Variants in CCDC200 observed in about 807,000 individuals in gnomAD.
CCDC200 encodes the protein coiled-coil domain containing 200, also known as coiled-coil domain-containing protein 200.
At chr17:43,227,507 CA>C (rs1401978190) in intron 1 of CCDC200, among the ~76,000 whole-genome samples, 14 of 151,770 alleles carry the variant, frequency 9.2e-5, no homozygotes, top group African/African-American at 2.7e-4. Flanking sequence ...TTTTTTGAGA[CA>C]GAGTCTCACT....
intron 3 of CCDC200, among the ~76,000 whole-genome samples, chr17:43,223,236 A>T (rs1172943495): frequency 4.8e-4 from 33 of 68,172 alleles, no homozygotes; most frequent in Middle Eastern, 0.011. Context: ...ATTTTTTTCA[A>T]TTTTTTTCAA....
intron 1 of CCDC200, among the ~76,000 whole-genome samples, chr17:43,225,244 G>A (rs536905354): frequency 6.6e-6 from 1 of 151,892 alleles, no homozygotes. Flanking sequence ...ATGTTGCCTA[G>A]GTTGGTTTGG....
chr17:43,225,428 G>A (rs2057560117), intron 1 of CCDC200, among the ~76,000 whole-genome samples: 1 of 151,110 alleles, frequency 6.6e-6, no homozygotes, highest in African/African-American at 2.4e-5. Context: ...ACTTTGGGAA[G>A]CCGAGGCGGG....
In CCDC200 at chr17:43,224,441, C is replaced by A. The variant is rs957836307; in HGVS notation, c.214G>T (p.Glu72Ter). The part of the protein sequence containing the change: ...PPVAKLWTSQ[E>*]QPQPSQQQPS... ...TGCTGCTGTGATGGCTGTGGTTGCT[C>A]CTGTGATGTCCACAATTTCGCCACT... is the stretch of plus-strand genomic sequence containing the variant. Residue 72 changes from glutamate to a stop codon, truncating the protein, a stop_gained, in exon 2 of 4, where the codon GAG becomes TAG. Coordinates refer to ENST00000636331, the MANE Select transcript of CCDC200 (RefSeq NM_001363254.2). LOFTEE classifies it high-confidence loss of function. 2 of 154,428 alleles carry A rather than the reference C, an allele frequency of 1.3e-5. No homozygotes were observed. Among genetic ancestry groups the A allele is most frequent in the African/African-American group, 4.8e-5 (2 of 41,446 alleles). 9.6% of individuals were successfully genotyped at this position (154,428 alleles called of 1,614,324 possible). A position where few individuals can be genotyped will look rare whatever the true frequency, so the allele number is the denominator to read the frequency against.
At chr17:43,230,911 G>A (rs1402605889), upstream of CCDC200, among the ~76,000 whole-genome samples, 2 of 89,850 alleles carry the variant, frequency 2.2e-5, no homozygotes, top group African/African-American at 5.8e-5. Flanking sequence ...AACCCAGGAG[G>A]TGGAGCTTGC....
chr17:43,231,075 T>C (rs1451583145), upstream of CCDC200, among the ~76,000 whole-genome samples: 16 of 91,656 alleles, frequency 1.7e-4, 6 homozygotes, highest in Admixed American at 2.1e-3. Context: ...AGGCTGGGAG[T>C]TGGAGACCAG....
rs1179732030 is a variant in CCDC200 at position 43,224,306 on chromosome 17, TTGGCTGAGGTGGTGGCTGTGGTTGTGG to T, written c.322_348del (p.Pro108_Pro116del). On this transcript the variant is annotated inframe_deletion, in exon 2 of 4. Coordinates refer to ENST00000636331, the MANE Select transcript of CCDC200 (RefSeq NM_001363254.2). ...CAACGGGCTTGAGCACTTGGTTGTG[TTGGCTGAGGTGGTGGCTGTGGTTGTGG>T]TGGCTGTGGCCCTGGCCACACCTGT... 1 of 155,384 alleles carries T rather than the reference TTGGCTGAGGTGGTGGCTGTGGTTGTGG, an allele frequency of 6.4e-6. No individual in the cohort carries two copies. Among genetic ancestry groups the T allele is most frequent in the Admixed American group, 6.5e-5 (1 of 15,288 alleles). The allele number at this position is 155,384 out of a possible 1,614,324, so 9.6% of individuals were successfully genotyped here.
chr17:43,227,215 G>A (rs1262695140), intron 1 of CCDC200, among the ~76,000 whole-genome samples: 2 of 151,612 alleles, frequency 1.3e-5, no homozygotes, highest in African/African-American at 4.8e-5. Flanking sequence ...CTGACCACAG[G>A]TGATCCACCT....
At chr17:43,222,773 G>GT (rs542275017) in intron 3 of CCDC200, among the ~76,000 whole-genome samples, 7,098 of 127,268 alleles carry the variant, frequency 0.056, 237 homozygotes, top group South Asian at 0.086. Context: ...TTTTTTTTTC[G>GT]TTTTTTTTTT....
At chr17:43,223,087 T>G (rs935242685) in intron 3 of CCDC200, among the ~76,000 whole-genome samples, 1 of 151,712 alleles carries the variant, frequency 6.6e-6, no homozygotes, top group African/African-American at 2.4e-5. Context: ...TTTTTAAAAT[T>G]TTTTGTTGTT....
intron 3 of CCDC200, among the ~76,000 whole-genome samples, chr17:43,222,737 T>TG (rs1026457009): frequency 2.4e-4 from 36 of 151,124 alleles, no homozygotes; most frequent in African/African-American, 8.5e-4. Flanking sequence ...TCCAGGTATG[T>TG]GCCACCATGC....
At chr17:43,231,195 C>G (rs1245031741), upstream of CCDC200, among the ~76,000 whole-genome samples, 14 of 108,336 alleles carry the variant, frequency 1.3e-4, no homozygotes, top group African/African-American at 3.4e-4. Flanking sequence ...ATGGGGCCCA[C>G]TGAGACTCAA....
At position 43,224,563 on chromosome 17, in the gene CCDC200, C is replaced by G. The variant is rs1278360437; in HGVS notation, c.106-14G>C. The G allele has an allele frequency of 3.3e-5, 5 of 152,756 alleles. No individual in the cohort carries two copies. The highest frequency in any genetic ancestry group is 1.2e-4 in the African/African-American group (5 of 41,426). The allele number at this position is 152,756 out of a possible 1,614,324, so 9.5% of individuals were successfully genotyped here. A position where few individuals can be genotyped will look rare whatever the true frequency, so the allele number is the denominator to read the frequency against. ...ATTCTTCAGTTCCTGGCAAGAAGCC[C>G]CCGGGCAAGTGGCATCATCCTCTCC... On this transcript the variant is annotated splice_polypyrimidine_tract_variant and intron_variant, in intron 1 of 3. Transcript: ENST00000636331.
At chr17:43,223,731 A>AGG (rs2057549571) in intron 2 of CCDC200, 117 bp from the exon 3 acceptor site, 1 of 152,398 alleles carries the variant, frequency 6.6e-6, no homozygotes. Context: ...CAGTGAGGAC[A>AGG]GGCTCCTACC....
chr17:43,225,721 C>A (rs2057564496), intron 1 of CCDC200, among the ~76,000 whole-genome samples: 1 of 28,706 alleles, frequency 3.5e-5, no homozygotes, highest in African/African-American at 4.3e-5. Flanking sequence ...ATTTTAAATT[C>A]TCTTTCTTTT....
intron 3 of CCDC200, among the ~76,000 whole-genome samples, chr17:43,222,527 TATC>T (rs1325647078): frequency 1.3e-5 from 2 of 152,162 alleles, no homozygotes; most frequent in Admixed American, 6.5e-5. Flanking sequence ...GAGGAAGTTG[TATC>T]ATCTATCATT....
intron 3 of CCDC200, among the ~76,000 whole-genome samples, chr17:43,222,999 C>A (rs2057543477): frequency 6.6e-6 from 1 of 151,806 alleles, no homozygotes; most frequent in Non-Finnish European, 1.5e-5. Context: ...GATCTCTTGA[C>A]CTCATGATCT....
At chr17:43,227,628 G>A (rs188155078) in intron 1 of CCDC200, among the ~76,000 whole-genome samples, 2 of 151,842 alleles carry the variant, frequency 1.3e-5, no homozygotes, top group East Asian at 2.0e-4. Flanking sequence ...TGGAATTCCA[G>A]GCAAGCGCCA....
chr17:43,226,817 A>G (rs1258708737), intron 1 of CCDC200, among the ~76,000 whole-genome samples: 1 of 152,230 alleles, frequency 6.6e-6, no homozygotes, highest in Non-Finnish European at 1.5e-5. Flanking sequence ...AAACAACAGC[A>G]CATCTTAATT....
Sources: allele counts gnomAD v4.1 joint callset (sites outside exome capture counted in the v4.1 genomes callset), GRCh38; gene constraint gnomAD v4.1.1; transcripts MANE v1.5; gene names NCBI Gene and HGNC (gene_info 2026-07-23, HGNC 2026-07-21).